The following IL1RAP variants were observed in gnomAD, a reference collection of about 807,000 sequenced individuals.
IL1RAP encodes the protein interleukin-1 receptor accessory protein.
In IL1RAP, 35 loss-of-function variants were observed where a neutral mutation model predicts 60.7. The ratio of observed to expected loss-of-function variants is 0.58; its 90% CI spans 0.44 to 0.76. The LOEUF (loss-of-function observed/expected upper bound fraction) is 0.76. Among genes scored for constraint, IL1RAP ranks in the 30% least tolerant of loss-of-function variants. The pLI is 0.00. For synonymous variants in IL1RAP, 268 were observed against 250.9 expected, an observed-to-expected ratio of 1.07 and a Z score of -0.64; for missense variants, 572 against 693.9, an observed-to-expected ratio of 0.82 and a Z score of 1.97.
rs1476559353 is a variant in IL1RAP at position 190,656,534 on chromosome 3, C to A, written c.1991C>A (p.Ala664Asp). Residue 664 changes from alanine to aspartate, a missense_variant, in exon 12 of 12, where the codon GCT (alanine) becomes GAT (aspartate). Coordinates refer to the IL1RAP transcript ENST00000317757. ...AATGGCACCAGATTGGAACCCCCTGCTCCCCAGATCTCAGCCCTTGCTCTT... is the reference window on the plus strand; with the variant it reads ...AATGGCACCAGATTGGAACCCCCTGATCCCCAGATCTCAGCCCTTGCTCTT... 8.5e-6 allele frequency: 13 copies of A among 1,537,158 alleles called. No homozygotes were observed. The African/African-American group carries it at 1.8e-4, about 21-fold the overall frequency.
At chr3:190,612,232 A>G (rs1166958854) in intron 5 of IL1RAP, among the ~76,000 whole-genome samples, 2 of 152,186 alleles carry the variant, frequency 1.3e-5, no homozygotes, top group Non-Finnish European at 2.9e-5. Flanking sequence ...CTCTCTGATT[A>G]TAATTTTTCA....
At chr3:190,605,027 C>T (rs950895000) in intron 4 of IL1RAP, among the ~76,000 whole-genome samples, 15 of 152,164 alleles carry the variant, frequency 9.9e-5, no homozygotes, top group African/African-American at 3.6e-4. Context: ...TCCCATTTGT[C>T]CAAGGTTTGC....
intron 1 of IL1RAP, among the ~76,000 whole-genome samples, chr3:190,532,905 A>T (rs1723114283): frequency 6.6e-6 from 1 of 152,152 alleles, no homozygotes; most frequent in Non-Finnish European, 1.5e-5. Context: ...CGGCTCAGGC[A>T]GCATGGGAGA....
chr3:190,629,673 A>G, intron 9 of IL1RAP, 175 bp downstream of exon 9: 1 of 1,340,744 alleles, frequency 7.5e-7, no homozygotes, highest in African/African-American at 1.5e-5. Context: ...TATGTAAGAT[A>G]CTCAAAATAT....
chr3:190,627,862 C>A (rs1732446107), intron 8 of IL1RAP, among the ~76,000 whole-genome samples: 1 of 152,006 alleles, frequency 6.6e-6, no homozygotes, highest in African/African-American at 2.4e-5. Flanking sequence ...TGTGTTTTTT[C>A]CTTTTCTCAA....
chr3:190,528,889 C>G (rs544816172), intron 1 of IL1RAP, among the ~76,000 whole-genome samples: 1 of 152,068 alleles, frequency 6.6e-6, no homozygotes, highest in Admixed American at 6.5e-5. Flanking sequence ...ATGGTCTGAC[C>G]GGGGTGAGTG....
intron 2 of IL1RAP, among the ~76,000 whole-genome samples, chr3:190,562,694 C>CCATA (rs368495405): frequency 0.044 from 6,424 of 146,606 alleles, 156 homozygotes; most frequent in Middle Eastern, 0.083. Context: ...CATATCTCGT[C>CCATA]CACACACACA....
At chr3:190,582,359 G>T (rs557273950) in intron 3 of IL1RAP, among the ~76,000 whole-genome samples, 2 of 138,984 alleles carry the variant, frequency 1.4e-5, no homozygotes, top group African/African-American at 5.4e-5. Flanking sequence ...CACTGTTTTT[G>T]CCCAGGCTGG....
chr3:190,654,839 C>A (rs1286934287), downstream of IL1RAP, among the ~76,000 whole-genome samples: 1 of 152,216 alleles, frequency 6.6e-6, no homozygotes, highest in Admixed American at 6.5e-5. Flanking sequence ...CAGGATATGG[C>A]ATGTTCTAAG....
intron 1 of IL1RAP, among the ~76,000 whole-genome samples, chr3:190,553,618 C>G (rs987663283): frequency 6.6e-6 from 1 of 152,068 alleles, no homozygotes; most frequent in Non-Finnish European, 1.5e-5. Flanking sequence ...CGGGGAGCTG[C>G]CGTTTGCCCG....
chr3:190,557,937 C>T (rs2108610636), intron 2 of IL1RAP, among the ~76,000 whole-genome samples: 1 of 152,242 alleles, frequency 6.6e-6, no homozygotes, highest in South Asian at 2.1e-4. Context: ...CCTTCTTTTG[C>T]AGTCATACTC....
chr3:190,607,491 G>A (rs9874992), intron 4 of IL1RAP, among the ~76,000 whole-genome samples: 11,930 of 152,080 alleles, frequency 0.078, 914 homozygotes, highest in African/African-American at 0.2. Context: ...ATAAGCGTAC[G>A]TATCTATAAC....
At chr3:190,606,338 G>A (rs1408981777) in intron 4 of IL1RAP, among the ~76,000 whole-genome samples, 1 of 152,188 alleles carries the variant, frequency 6.6e-6, no homozygotes, top group Non-Finnish European at 1.5e-5. Flanking sequence ...GTGACCTTAG[G>A]CAAGTCCTGT....
Position 190,604,498 on chromosome 3 carries a change from G to A in IL1RAP, c.350+85G>A, listed in dbSNP as rs1211212765. ...GATGATCCGTGTGCTAGGAAGCTGG[G>A]GAGAAGTCGGAAGCATTTAGATAGA... On this transcript the variant is annotated intron_variant, in intron 4 of 11. Coordinates refer to ENST00000447382, the MANE Select transcript of IL1RAP (RefSeq NM_002182.4). The A allele has an allele frequency of 8.7e-6, 12 of 1,376,804 alleles. No individual in the cohort carries two copies. In the Admixed American group the frequency reaches 2.6e-4, roughly 29 times the overall value. 85.3% of individuals were successfully genotyped at this position (1,376,804 alleles called of 1,614,324 possible). A position where few individuals can be genotyped will look rare whatever the true frequency, so the allele number is the denominator to read the frequency against.
intron 5 of IL1RAP, among the ~76,000 whole-genome samples, chr3:190,618,483 T>C (rs1731472528): frequency 6.6e-6 from 1 of 152,222 alleles, no homozygotes; most frequent in South Asian, 2.1e-4. Flanking sequence ...AGCTCTCTAC[T>C]GTGTTATCTA....
rs73886477 is a variant in IL1RAP at position 190,565,109 on chromosome 3, T to A, written c.64+756T>A. 3.5e-3 allele frequency among the ~76,000 whole-genome samples: 526 copies of A among 151,844 alleles called. 4 individuals are homozygous for A. Among genetic ancestry groups the A allele is most frequent in the African/African-American group, 0.012 (496 of 41,470 alleles). On this transcript the variant is annotated intron_variant, in intron 3 of 11. Coordinates refer to ENST00000447382, the MANE Select transcript of IL1RAP (RefSeq NM_002182.4). Reference sequence around the variant, plus strand: ...CTGAAATTTGTCTCTTTGATTTTAGTATCTAAAACTGAAATTTGTCTCTTT... The same window carrying A: ...CTGAAATTTGTCTCTTTGATTTTAGAATCTAAAACTGAAATTTGTCTCTTT...
chr3:190,560,035 C>A (rs1305929914), intron 2 of IL1RAP, among the ~76,000 whole-genome samples: 1 of 152,150 alleles, frequency 6.6e-6, no homozygotes, highest in Non-Finnish European at 1.5e-5. Flanking sequence ...GCCCTGTAAA[C>A]TCCACAAAAG....
rs765167612 is a variant in IL1RAP at position 190,608,952 on chromosome 3, C to T, written c.351-43C>T. 10 of 1,499,568 alleles carry T rather than the reference C, an allele frequency of 6.7e-6. No individual in the cohort carries two copies. The Admixed American group carries it at 1.8e-4, about 26-fold the overall frequency. 92.9% of individuals were successfully genotyped at this position (1,499,568 alleles called of 1,614,324 possible). On this transcript the variant is annotated intron_variant, in intron 4 of 11. Transcript: ENST00000447382. The stretch of plus-strand genomic sequence containing the variant: ...TTTGAATGTGGTTGCTCTATGAAAT[C>T]AAATGCAAATACTACCCATTCATTG...
At chr3:190,554,319 G>T (rs1351467750) in intron 1 of IL1RAP, among the ~76,000 whole-genome samples, 3 of 152,054 alleles carry the variant, frequency 2.0e-5, no homozygotes, top group Admixed American at 6.5e-5. Context: ...CCTGCTAGCA[G>T]GCTTCCCGCC....
Sources: allele counts gnomAD v4.1 joint callset (sites outside exome capture counted in the v4.1 genomes callset), GRCh38; gene constraint gnomAD v4.1.1; transcripts MANE v1.5; gene names NCBI Gene and HGNC (gene_info 2026-07-23, HGNC 2026-07-21).